CACNA1E: variants seen among roughly 807,000 people sequenced by gnomAD.
CACNA1E encodes calcium voltage-gated channel subunit alpha1 E.
A neutral mutation model predicts 259.2 loss-of-function variants in CACNA1E; 40 were observed. The observed-to-expected ratio is 0.15, with a 90% CI of 0.12 to 0.20. The LOEUF is 0.20. CACNA1E is among the 10% of genes least tolerant of loss of function. The pLI is 1.00. For synonymous variants in CACNA1E, 1,104 were observed against 1,138.5 expected (o/e 0.97, Z 0.61); for missense variants, 1,874 against 3,040.1 (o/e 0.62, Z 9.02).
rs777244676 is a variant in CACNA1E, at chr1:181,755,414, C to T, written c.3989+17C>T. On this transcript the variant is annotated intron_variant, in intron 28 of 47. Coordinates refer to ENST00000367573, the MANE Select transcript of CACNA1E (RefSeq NM_001205293.3). The stretch of plus-strand genomic sequence containing the variant: ...GGAGTGCATGTAAGTGCCACCAGCG[C>T]ATTCCACTTGATTTTGCTGAAGCAT... 4.4e-6 allele frequency: 7 copies of T among 1,609,184 alleles called. No individual in the cohort carries two copies. In the East Asian group the frequency reaches 1.1e-4, roughly 26 times the overall value.
chr1:181,627,727 A>G (rs1338107314), intron 6 of CACNA1E, among the ~76,000 whole-genome samples: 4 of 152,142 alleles, frequency 2.6e-5, no homozygotes, highest in East Asian at 1.9e-4. Flanking sequence ...TTAAGGTTTA[A>G]ATTGTGTCAC....
At position 181,798,250 on chromosome 1, in the gene CACNA1E, G is replaced by A. The variant is rs369142464; in HGVS notation, c.6400-42G>A. On this transcript the variant is annotated intron_variant, in intron 47 of 47. Transcript: ENST00000367573. This position sits in a 1 kb window ranked among gnomAD's most constrained non-coding sequence, Gnocchi z 4.2. ...TAACAGAGTTGCAAGTAGGGATCAT[G>A]CCAAGCCCAATCTAACATGCCATGT... 218 of 1,512,304 alleles carry A rather than the reference G, an allele frequency of 1.4e-4. 2 individuals carry two copies. Among genetic ancestry groups the A allele is most frequent in the Middle Eastern group, 3.5e-4 (2 of 5,720 alleles). The allele number at this position is 1,512,304 out of a possible 1,614,324, so 93.7% of individuals were successfully genotyped here.
intron 3 of CACNA1E, among the ~76,000 whole-genome samples, chr1:181,541,070 G>T (rs551919129): frequency 6.6e-5 from 10 of 152,176 alleles, no homozygotes; most frequent in African/African-American, 2.4e-4. Context: ...CATGCATTTT[G>T]GATAAAGGAT....
At chr1:181,795,244 C>T (rs1350475554) in intron 46 of CACNA1E, among the ~76,000 whole-genome samples, 200 bp downstream of exon 46, 4 of 152,180 alleles carry the variant, frequency 2.6e-5, no homozygotes, top group African/African-American at 4.8e-5. Flanking sequence ...CTGTGTTCAC[C>T]GGAAAAGCTG....
intron 3 of CACNA1E, among the ~76,000 whole-genome samples, chr1:181,533,812 G>A (rs764117385): frequency 6.6e-6 from 1 of 151,768 alleles, no homozygotes; most frequent in Admixed American, 6.6e-5. Flanking sequence ...TCTGTATCTT[G>A]TAATTTTATT....
Position 181,732,323 on chromosome 1 carries a change from C to T in CACNA1E, c.2298-61C>T, listed in dbSNP as rs1655564210. The T allele has an allele frequency of 2.7e-6, 4 of 1,455,870 alleles. No individual in the cohort carries two copies. In the Admixed American group the frequency reaches 8.6e-5, roughly 31 times the overall value. 90.2% of individuals were successfully genotyped at this position (1,455,870 alleles called of 1,614,324 possible). On this transcript the variant is annotated intron_variant, in intron 19 of 47. Transcript: ENST00000367573. This position sits in a 1 kb window ranked among gnomAD's most constrained non-coding sequence, Gnocchi z 5.5. ...CTGCCCTCTCACATGGCCCCTGTGG[C>T]CACCCTCCCTGCCTGCAGCTTCTGG...
At chr1:181,652,093 A>G (rs1175224322) in intron 7 of CACNA1E, 1 of 152,264 alleles carries the variant, frequency 6.6e-6, no homozygotes, top group Non-Finnish European at 1.5e-5. Context: ...TAGTTTCATC[A>G]AGGATTGAGA....
chr1:181,497,869 C>T (rs1045577028), intron 1 of CACNA1E, among the ~76,000 whole-genome samples: 1 of 152,184 alleles, frequency 6.6e-6, no homozygotes, highest in Non-Finnish European at 1.5e-5. Flanking sequence ...CTATCTCTTT[C>T]CCATCATTAT....
intron 6 of CACNA1E, among the ~76,000 whole-genome samples, chr1:181,598,572 G>A (rs1326432524): frequency 1.3e-5 from 2 of 152,152 alleles, no homozygotes; most frequent in Non-Finnish European, 2.9e-5. Flanking sequence ...GAGATTGGGG[G>A]TGAGTGATAA....
intron 1 of CACNA1E, among the ~76,000 whole-genome samples, chr1:181,341,473 G>A: frequency 6.6e-6 from 1 of 152,194 alleles, no homozygotes; most frequent in East Asian, 1.9e-4. Context: ...ATTAAAGGCA[G>A]CCTCCCTTAT....
intron 7 of CACNA1E, among the ~76,000 whole-genome samples, chr1:181,708,936 G>T (rs531260988): frequency 6.6e-6 from 1 of 152,168 alleles, no homozygotes. Flanking sequence ...CGTTGATAGT[G>T]TGAGATGGGT....
chr1:181,768,425 T>C (rs1345199840), intron 35 of CACNA1E, among the ~76,000 whole-genome samples: 2 of 152,214 alleles, frequency 1.3e-5, no homozygotes, highest in South Asian at 4.1e-4. Flanking sequence ...ATTGTCTCCA[T>C]TGATGCTTAG....
intron 27 of CACNA1E, 66 bp from the exon 28 acceptor site, chr1:181,755,171 C>T (rs369107244): frequency 9.9e-5 from 137 of 1,383,706 alleles, no homozygotes; most frequent in Non-Finnish European, 1.3e-4. Context: ...TGGCCCAGCT[C>T]GGCTCTAGGC....
At chr1:181,534,828 A>G (rs1027137900) in intron 3 of CACNA1E, among the ~76,000 whole-genome samples, 1 of 152,160 alleles carries the variant, frequency 6.6e-6, no homozygotes, top group Non-Finnish European at 1.5e-5. Flanking sequence ...CTTAATAGCA[A>G]TTGAAACAAA....
intron 35 of CACNA1E, among the ~76,000 whole-genome samples, chr1:181,768,566 G>A (rs1002458109): frequency 1.2e-4 from 18 of 152,194 alleles, no homozygotes; most frequent in African/African-American, 4.1e-4. Context: ...CACCAGACAA[G>A]CAGACACAAG....
chr1:181,596,557 C>CGTGTGTGTGTGTGTGTGTGTGTGTGT (rs60302499), intron 6 of CACNA1E, among the ~76,000 whole-genome samples: 3 of 140,490 alleles, frequency 2.1e-5, no homozygotes, highest in Non-Finnish European at 3.1e-5. Context: ...CCACCATGTA[C>CGTGTGTGTGTGTGTGTGTGTGTGTGT]GTGTGTGTGT....
intron 2 of CACNA1E, among the ~76,000 whole-genome samples, chr1:181,419,839 G>A (rs1285626602): frequency 6.6e-6 from 1 of 152,202 alleles, no homozygotes; most frequent in Admixed American, 6.5e-5. Flanking sequence ...GTCAGCAGTG[G>A]AAGTGGGGAG....
At chr1:181,458,824 CCCATCCATCCATCCATCCATCCATCCAT>C (rs57607890) in intron 2 of CACNA1E, among the ~76,000 whole-genome samples, 1,732 of 150,488 alleles carry the variant, frequency 0.012, 35 homozygotes, top group African/African-American at 0.04. Context: ...CATTTATTTA[CCCATCCATCCATCCATCCATCCATCCAT>C]CCATCCATCC....
chr1:181,418,681 T>A (rs1658476381), intron 2 of CACNA1E, among the ~76,000 whole-genome samples: 1 of 152,168 alleles, frequency 6.6e-6, no homozygotes. Flanking sequence ...CTACATTTTT[T>A]CTGTTGCTGG....
Sources: gnomAD v4.1 joint callset for allele counts (sites outside exome capture counted in the v4.1 genomes callset) on GRCh38, gnomAD v4.1.1 for gene constraint, Gnocchi (gnomAD v3.1) non-coding constraint, MANE v1.5 for transcripts, NCBI Gene and HGNC (gene_info 2026-07-23, HGNC 2026-07-21) for gene names.